The following ALOXE3 variants were observed in gnomAD, a reference collection of about 807,000 sequenced individuals.
ALOXE3 encodes the protein arachidonate epidermal lipoxygenase 3.
Under a neutral mutation model 87.5 loss-of-function variants are expected in ALOXE3, and 78 were observed. The ratio of observed to expected loss-of-function variants is 0.89; its 90% CI spans 0.74 to 1.08. ALOXE3 has a LOEUF of 1.08. ALOXE3 is among the 50% of genes least tolerant of loss of function. The pLI is 0.00. For missense variants in ALOXE3, 946 were observed against 912.4 expected, an observed-to-expected ratio of 1.04 and a Z score of -0.47; for synonymous variants, 363 against 370.8, an observed-to-expected ratio of 0.98 and a Z score of 0.24.
Position 8,110,252 on chromosome 17 carries a change from G to T in ALOXE3, c.1145C>A (p.Thr382Asn). 6.2e-7 allele frequency: 1 copy of T among 1,614,070 alleles called. No homozygotes were observed. Among genetic ancestry groups the T allele is most frequent in the Non-Finnish European group, 8.5e-7 (1 of 1,179,930 alleles). The change falls in exon 10 of 16, where the codon ACT (threonine) becomes AAT (asparagine). Residue 382 changes from threonine (T) to asparagine (N), a missense_variant. Thr to Asn is a moderately conservative substitution (Grantham distance 65). Transcript: ENST00000448843. ...PGPDSPIFLP[T>N]DSEWDWLLAK... ...CAGCAGCCAGTCCCATTCGGAGTCA[G>T]TGGGCAGGAAGATGGGGCTGTCAGG...
chr17:8,103,987 C>T (rs761739488), intron 14 of ALOXE3, 128 bp downstream of exon 14: 25 of 785,288 alleles, frequency 3.2e-5, no homozygotes, highest in Non-Finnish European at 5.4e-5. Context: ...CACTCAGCTG[C>T]CACTCCAACC....
chr17:8,096,758 T>C lies in ALOXE3; in HGVS notation c.2005A>G (p.Arg669Gly). 1 of 1,614,150 alleles carries C rather than the reference T, an allele frequency of 6.2e-7. No individual in the cohort carries two copies. Among genetic ancestry groups the C allele is most frequent in the South Asian group, 1.1e-5 (1 of 91,078 alleles). Residue 669 changes from arginine to glycine, a missense_variant, in exon 16 of 16, where the codon AGG (arginine) becomes GGG (glycine). By Grantham distance (125) the Arg-to-Gly change is moderately radical. Coordinates refer to ENST00000448843, the MANE Select transcript of ALOXE3 (RefSeq NM_021628.3). ...CTCTGGAAGGCGGCGATGCTCCGCC[T>C]CGGGGCCTCCTCTGTGAAGTGCTCA... ...PDEHFTEEAP[R>G]RSIAAFQSRL...
At chr17:8,099,939 G>A (rs1225994042) in intron 15 of ALOXE3, among the ~76,000 whole-genome samples, 2 of 151,954 alleles carry the variant, frequency 1.3e-5, no homozygotes, top group African/African-American at 2.4e-5. Flanking sequence ...GCGTGGTGAT[G>A]CCTGTGGCCT....
chr17:8,116,660 A>G, intron 3 of ALOXE3, 116 bp downstream of exon 3: 1 of 1,243,346 alleles, frequency 8.0e-7, no homozygotes. Flanking sequence ...TCTACTTGGG[A>G]GCCCAGAGTT....
intron 6 of ALOXE3, among the ~76,000 whole-genome samples, chr17:8,112,812 C>T (rs960101418): frequency 6.6e-6 from 1 of 151,938 alleles, no homozygotes; most frequent in Admixed American, 6.6e-5. Flanking sequence ...AAGATGGGAT[C>T]TCCCTGTGTT....
chr17:8,109,167 C>A lies in ALOXE3; in HGVS notation c.1562+7G>T. The stretch of plus-strand genomic sequence containing the variant: ...TGGGACTGCTGGTCCCGCCCCGCAC[C>A]TCGCACCTCTCAATGGCCGCCCAGA... On this transcript the variant is annotated splice_region_variant and intron_variant, in intron 12 of 15. Coordinates refer to ENST00000448843, the MANE Select transcript of ALOXE3 (RefSeq NM_021628.3). 1 of 1,612,900 alleles carries A rather than the reference C, an allele frequency of 6.2e-7. No individual in the cohort carries two copies. Among genetic ancestry groups the A allele is most frequent in the Non-Finnish European group, 8.5e-7 (1 of 1,180,028 alleles).
rs557000057 is a variant in ALOXE3, at chr17:8,110,526, C to T, written c.960G>A (p.Arg320=). The T allele has an allele frequency of 2.4e-5, 39 of 1,613,870 alleles. No individual in the cohort carries two copies. The highest frequency in any genetic ancestry group is 3.1e-5 in the Non-Finnish European group (37 of 1,179,896). ...AGTAGTCCGCTAGGAAGATGTTCCC[C>T]CTCTGCAGAAGGCACACAGAGGCTG... ...QDTCLQTELE[R]GNIFLADYWI... Residue 320 remains arginine, a splice_region_variant and synonymous_variant, in exon 9 of 16, where the codon AGG becomes AGA. Transcript: ENST00000448843.
intron 15 of ALOXE3, among the ~76,000 whole-genome samples, chr17:8,097,745 ATCT>A (rs142663092): frequency 0.023 from 3,053 of 134,952 alleles, 77 homozygotes; most frequent in African/African-American, 0.075. Flanking sequence ...AATACTACTG[ATCT>A]TTTTTTTTTT....
In ALOXE3 at chr17:8,109,304, T is replaced by G. The variant is rs368012174; in HGVS notation, c.1432A>C (p.Ser478Arg). Residue 478 changes from serine (S) to arginine (R), a missense_variant, in exon 12 of 16, where the codon AGC becomes CGC. Transcript: ENST00000448843. The part of the protein sequence containing the change: ...IGRQGLIYLM[S>R]TGLAHFTYTN... ...TAGGTGAAGTGGGCCAGGCCCGTGC[T>G]CATGAGGTAGATGAGGCCTTGCCTC... 8.9e-5 allele frequency: 143 copies of G among 1,613,934 alleles called. No individual in the cohort carries two copies. Among genetic ancestry groups the G allele is most frequent in the Non-Finnish European group, 7.0e-5 (83 of 1,180,028 alleles).
At chr17:8,113,990 A>G (rs1042004184) in intron 6 of ALOXE3, among the ~76,000 whole-genome samples, 1 of 148,532 alleles carries the variant, frequency 6.7e-6, no homozygotes, top group African/African-American at 2.5e-5. Flanking sequence ...GCGGCACTGC[A>G]CTCCAGCCTG....
intron 2 of ALOXE3, among the ~76,000 whole-genome samples, chr17:8,117,554 A>G (rs545163541): frequency 6.6e-6 from 1 of 152,330 alleles, no homozygotes; most frequent in East Asian, 1.9e-4. Context: ...GAGGAAACCC[A>G]GGCTCAGAGA....
intron 8 of ALOXE3, among the ~76,000 whole-genome samples, chr17:8,110,988 A>AT (rs1469304537): frequency 6.6e-6 from 1 of 152,128 alleles, no homozygotes; most frequent in East Asian, 1.9e-4. Context: ...GTTCTCCGTG[A>AT]TCTTCCCTGA....
In ALOXE3 at chr17:8,115,613, C is replaced by T; in HGVS notation, c.428G>A (p.Cys143Tyr). The change falls in exon 4 of 16, where the codon TGC (cysteine) becomes TAC (tyrosine). Residue 143 changes from cysteine (C) to tyrosine (Y), a missense_variant. Coordinates refer to ENST00000448843, the MANE Select transcript of ALOXE3 (RefSeq NM_021628.3). Reference protein sequence around the residue: ...RTRELRARQECYRWKIYAPGF... With the variant: ...RTRELRARQEYYRWKIYAPGF... ...CAAATTAGGCCACCCTCACCGGTAG[C>T]ATTCTTGTCGGGCCCGGAGCTCCCG... The T allele has an allele frequency of 4.3e-6, 7 of 1,613,332 alleles. No individual in the cohort carries two copies. Among genetic ancestry groups the T allele is most frequent in the Non-Finnish European group, 5.9e-6 (7 of 1,179,232 alleles).
In ALOXE3 at chr17:8,116,805, T is replaced by C. The variant is rs1980627975; in HGVS notation, c.323A>G (p.Tyr108Cys). ...TCCTGGCCTCAGCTCCACGGTGCAG[T>C]AGCCTTCAATCCACTGATAGCAGGG... The part of the protein sequence containing the change: ...HFPCYQWIEG[Y>C]CTVELRPGTA... Residue 108 changes from tyrosine (Y) to cysteine (C), a missense_variant, in exon 3 of 16, where the codon TAC becomes TGC. Physicochemically the swap from Tyr to Cys is radical, Grantham distance 194. Transcript: ENST00000448843. The C allele has an allele frequency of 6.2e-7, 1 of 1,614,190 alleles. No individual in the cohort carries two copies. Among genetic ancestry groups the C allele is most frequent in the African/African-American group, 1.3e-5 (1 of 75,046 alleles).
intron 6 of ALOXE3, among the ~76,000 whole-genome samples, chr17:8,113,955 G>A (rs530444816): frequency 6.6e-6 from 1 of 151,598 alleles, no homozygotes; most frequent in Non-Finnish European, 1.5e-5. Flanking sequence ...AACCCAGGAG[G>A]CAGAGGTTGC....
At position 8,096,717 on chromosome 17, in the gene ALOXE3, G is replaced by T; in HGVS notation, c.2046C>A (p.Ile682=). ...IAAFQSRLAQ[I]SRDIQERNQG... Reference sequence around the variant, plus strand: ...GGTTCCGCTCCTGGATGTCCCTTGAGATCTGGGCCAGGCGGCTCTGGAAGG... The same window carrying T: ...GGTTCCGCTCCTGGATGTCCCTTGATATCTGGGCCAGGCGGCTCTGGAAGG... The change falls in exon 16 of 16, where the codon ATC becomes ATA. Residue 682 remains isoleucine (I), a synonymous_variant. Coordinates refer to ENST00000448843, the MANE Select transcript of ALOXE3 (RefSeq NM_021628.3). The T allele has an allele frequency of 6.2e-7, 1 of 1,613,018 alleles. No homozygotes were observed. The highest frequency in any genetic ancestry group is 8.5e-7 in the Non-Finnish European group (1 of 1,178,962).
chr17:8,116,568 A>G (rs1056634289), intron 3 of ALOXE3, among the ~76,000 whole-genome samples: 3 of 152,174 alleles, frequency 2.0e-5, no homozygotes, highest in Non-Finnish European at 2.9e-5. Context: ...GTATGTGTCT[A>G]TGTGAGTCTC....
At chr17:8,107,476 C>T (rs969025383) in intron 13 of ALOXE3, among the ~76,000 whole-genome samples, 2 of 152,152 alleles carry the variant, frequency 1.3e-5, no homozygotes, top group Non-Finnish European at 2.9e-5. Flanking sequence ...GAGATTGTGC[C>T]TCCACACTCC....
At chr17:8,103,595 GT>G in intron 14 of ALOXE3, 102 bp from the exon 15 acceptor site, 2 of 1,300,980 alleles carry the variant, frequency 1.5e-6, no homozygotes, top group Non-Finnish European at 1.1e-6. Context: ...AGAGGTGATA[GT>G]TGGGAAATGA....
Sources: gnomAD v4.1 joint callset for allele counts (sites outside exome capture counted in the v4.1 genomes callset) on GRCh38, gnomAD v4.1.1 for gene constraint, MANE v1.5 for transcripts, NCBI Gene and HGNC (gene_info 2026-07-23, HGNC 2026-07-21) for gene names.